POLG: variants seen among roughly 807,000 people sequenced by gnomAD.
POLG encodes DNA polymerase subunit gamma-1.
In POLG, 110 loss-of-function variants were observed where a neutral mutation model predicts 155.4. That is an observed-to-expected ratio of 0.71 (90% CI 0.61 to 0.83). POLG has a LOEUF of 0.83. Ranked by LOEUF, POLG falls within the 40% of genes least tolerant of loss-of-function variation. POLG has a pLI of 0.00. For synonymous variants in POLG, 701 were observed against 631.5 expected (o/e 1.11, Z -1.65); for missense variants, 1,685 against 1,627.5 (o/e 1.04, Z -0.61).
At chr15:89,320,718 C>T in intron 18 of POLG, 48 bp downstream of exon 18, 2 of 1,606,912 alleles carry the variant, frequency 1.2e-6, no homozygotes, top group Non-Finnish European at 1.7e-6. Context: ...GACAGTAAAG[C>T]AGGCCTCGGG....
rs767713132 is a variant in POLG, at chr15:89,325,247, T to TGA, written c.1949+201_1949+202dup. ...GAGAGTGAGTGAGAGAGTGAGTGAG[T>TGA]GAGAGAGAGAGTGAGTGAGTGAGTG... On this transcript the variant is annotated intron_variant, in intron 10 of 22. Coordinates refer to ENST00000268124, the MANE Select transcript of POLG (RefSeq NM_002693.3). Among the ~76,000 whole-genome samples, 10 of 73,584 alleles carry TGA rather than the reference T, an allele frequency of 1.4e-4. 1 individual carries two copies. The East Asian group carries it at 1.7e-3, about 13-fold the overall frequency. 48.3% of individuals were successfully genotyped at this position (73,584 alleles called of 152,430 possible). A position where few individuals can be genotyped will look rare whatever the true frequency, so the allele number is the denominator to read the frequency against.
rs1306153562 is a variant in POLG at position 89,333,875 on chromosome 15, T to C, written c.-121A>G. 8.1e-7 allele frequency: 1 copy of C among 1,235,860 alleles called. No homozygotes were observed. The highest frequency in any genetic ancestry group is 2.1e-5 in the Admixed American group (1 of 48,700). 76.6% of individuals were successfully genotyped at this position (1,235,860 alleles called of 1,614,324 possible). A position where few individuals can be genotyped will look rare whatever the true frequency, so the allele number is the denominator to read the frequency against. On this transcript the variant is annotated 5_prime_UTR_variant, in exon 2 of 23. Transcript: ENST00000268124. ...CGTCCTGTCTCTGCTCTCCTGTCAGTGAAATGGGTTTGACCATGCCTGCCT... is the reference window on the plus strand; with the variant it reads ...CGTCCTGTCTCTGCTCTCCTGTCAGCGAAATGGGTTTGACCATGCCTGCCT...
intron 6 of POLG, 142 bp downstream of exon 6, chr15:89,328,314 C>T (rs905682987): frequency 1.4e-6 from 1 of 721,130 alleles, no homozygotes; most frequent in South Asian, 1.5e-5. Flanking sequence ...ATGGACACCA[C>T]TGAACAGAAG....
chr15:89,319,686 C>G (rs959722479), intron 18 of POLG, among the ~76,000 whole-genome samples: 1 of 152,180 alleles, frequency 6.6e-6, no homozygotes, highest in South Asian at 2.1e-4. Flanking sequence ...ATGACCAACA[C>G]GGGCCTTTTA....
intron 13 of POLG, 148 bp from the exon 14 acceptor site, chr15:89,323,050 C>T (rs538262887): frequency 1.0e-4 from 79 of 754,530 alleles, no homozygotes; most frequent in African/African-American, 1.0e-3. Context: ...CACGCGCGCA[C>T]GCGCGCACGC....
intron 12 of POLG, 76 bp from the exon 13 acceptor site, chr15:89,323,587 G>C: frequency 1.0e-6 from 1 of 990,448 alleles, no homozygotes; most frequent in Non-Finnish European, 1.6e-6. Context: ...TAGGGGGTGG[G>C]AAAAGGGCCT....
chr15:89,316,383 C>A lies in POLG; in HGVS notation c.*368G>T. 6.2e-7 allele frequency: 1 copy of A among 1,606,518 alleles called. No individual in the cohort carries two copies. The highest frequency in any genetic ancestry group is 8.5e-7 in the Non-Finnish European group (1 of 1,175,746). On this transcript the variant is annotated 3_prime_UTR_variant, in exon 23 of 23. Coordinates refer to ENST00000268124, the MANE Select transcript of POLG (RefSeq NM_002693.3). Reference sequence around the variant, plus strand: ...GGTTTATCACGTTAGAGCATTAATTCTTTCCCCTTCTAGGGCACTGCATCA... The same window carrying A: ...GGTTTATCACGTTAGAGCATTAATTATTTCCCCTTCTAGGGCACTGCATCA...
At position 89,328,729 on chromosome 15, in the gene POLG, G is replaced by A. The variant is rs116165908; in HGVS notation, c.1126C>T (p.Leu376=). 932 of 1,614,130 alleles carry A rather than the reference G, an allele frequency of 5.8e-4. 6 individuals are homozygous for A. In the African/African-American group the frequency reaches 0.011, roughly 19 times the overall value. ...GPPLEKEPRE[L]FVKGTMKDIR... The stretch of plus-strand genomic sequence containing the variant: ...TCCTTCATGGTGCCCTTCACAAACA[G>A]TTCTCGAGGCTCCTTCTCTAAGGGA... Residue 376 remains leucine, a synonymous_variant, in exon 5 of 23, where the codon CTG becomes TTG. Transcript: ENST00000268124.
At chr15:89,323,323 G>T (rs1339700772) in intron 13 of POLG, 81 bp downstream of exon 13, 15 of 847,580 alleles carry the variant, frequency 1.8e-5, no homozygotes, top group Middle Eastern at 2.2e-4. Flanking sequence ...GAAAGTCTCA[G>T]GTGTGTCACT....
At chr15:89,323,997 A>C in intron 11 of POLG, 96 bp from the exon 12 acceptor site, 1 of 1,553,628 alleles carries the variant, frequency 6.4e-7, no homozygotes, top group Non-Finnish European at 8.9e-7. Context: ...ACTGCAGGCC[A>C]GTCTGGGGTG....
In POLG at chr15:89,320,917, C is replaced by T. The variant is rs768653086; in HGVS notation, c.2830G>A (p.Glu944Lys). 2.0e-5 allele frequency: 33 copies of T among 1,613,882 alleles called. No individual in the cohort carries two copies. In the East Asian group the frequency reaches 6.7e-4, roughly 33 times the overall value. The change falls in exon 18 of 23, where the codon GAG becomes AAG. Residue 944 changes from glutamate (E) to lysine (K), a missense_variant. By Grantham distance (56) the Glu-to-Lys change is moderately conservative. Transcript: ENST00000268124. Reference sequence around the variant, plus strand: ...CCGTAGTTGAAGATTTTGGCATGCTCACGGCTGATGCCCACAGTAGTGGCT... The same window carrying T: ...CCGTAGTTGAAGATTTTGGCATGCTTACGGCTGATGCCCACAGTAGTGGCT... ...KTATTVGISR[E>K]HAKIFNYGRI...
chr15:89,327,434 A>C, intron 6 of POLG, 85 bp from the exon 7 acceptor site: 14 of 1,247,096 alleles, frequency 1.1e-5, no homozygotes, highest in East Asian at 2.4e-5. Context: ...GCAAGCCTCA[A>C]CCCAGCCACT....
At chr15:89,328,289 G>C (rs1270907450) in intron 6 of POLG, among the ~76,000 whole-genome samples, 167 bp downstream of exon 6, 1 of 152,092 alleles carries the variant, frequency 6.6e-6, no homozygotes, top group Admixed American at 6.5e-5. Flanking sequence ...GTCAAATCCA[G>C]AGTCCAGGGC....
chr15:89,322,874 G>A lies in POLG; in HGVS notation c.2294C>T (p.Pro765Leu). ...KDGNSCNVGS[P>L]FAKDFLPKME... ...CTTGGGCAGGAAGTCCTTGGCAAAG[G>A]GGCTTCCCACATTACAGCTATTACC... is the stretch of plus-strand genomic sequence containing the variant. The change falls in exon 14 of 23, where the codon CCC (proline) becomes CTC (leucine). Residue 765 changes from proline (P) to leucine (L), a missense_variant. Physicochemically the swap from Pro to Leu is moderately conservative, Grantham distance 98. Around this residue, in one of 3 missense-constraint regions of POLG, gnomAD observed 1,210 missense variants for 1,167.1 expected, o/e 1.04. Coordinates refer to ENST00000268124, the MANE Select transcript of POLG (RefSeq NM_002693.3). 6.2e-7 allele frequency: 1 copy of A among 1,613,432 alleles called. No individual in the cohort carries two copies. Among genetic ancestry groups the A allele is most frequent in the South Asian group, 1.1e-5 (1 of 91,046 alleles).
Position 89,318,562 on chromosome 15 carries a change from T to C in POLG, c.3461A>G (p.Gln1154Arg), listed in dbSNP as rs1567185010. 6.2e-7 allele frequency: 1 copy of C among 1,613,632 alleles called. No individual in the cohort carries two copies. The change falls in exon 21 of 23, where the codon CAG (glutamine) becomes CGG (arginine). Residue 1154 changes from glutamine to arginine, a missense_variant. Gln to Arg is a conservative substitution (Grantham distance 43). Coordinates refer to ENST00000268124, the MANE Select transcript of POLG (RefSeq NM_002693.3). ...ATACCTGGTCAAGAGGTTGGTGATC[T>C]GCAAGGCCAGGGCAGCGCGGTAGCG... ...EDRYRAALALQITNLLTRCMF... is the reference protein window; with the variant it reads ...EDRYRAALALRITNLLTRCMF...
At chr15:89,325,061 T>TGAGTGAGTGAGTGAGTGAGTGAGTGAGA (rs2055458902) in intron 10 of POLG, among the ~76,000 whole-genome samples, 1 of 70,126 alleles carries the variant, frequency 1.4e-5, no homozygotes, top group East Asian at 3.3e-4. Flanking sequence ...AGTGAGAGAG[T>TGAGTGAGTGAGTGAGTGAGTGAGTGAGA]GAGTGAGTGA....
chr15:89,333,483 C>T lies in POLG; in HGVS notation c.272G>A (p.Gly91Glu). Residue 91 changes from glycine (G) to glutamate (E), a missense_variant, in exon 2 of 23, where the codon GGA (glycine) becomes GAA (glutamate). Transcript: ENST00000268124. ...CGCGGCCTCGCCAGGCATCTCCCCT[C>T]CTTGCCCGAAGATTTGCTCGTGCAG... ...RGLHEQIFGQ[G>E]GEMPGEAAVR... is the part of the protein sequence containing the mutation. The T allele has an allele frequency of 6.2e-7, 1 of 1,612,552 alleles. No individual in the cohort carries two copies. Among genetic ancestry groups the T allele is most frequent in the Non-Finnish European group, 8.5e-7 (1 of 1,179,690 alleles).
Position 89,333,253 on chromosome 15 carries a change from C to A in POLG, c.502G>T (p.Ala168Ser), listed in dbSNP as rs2055619068. 6.4e-7 allele frequency: 1 copy of A among 1,569,988 alleles called. No individual in the cohort carries two copies. Residue 168 changes from alanine to serine, a missense_variant, in exon 2 of 23, where the codon GCT becomes TCT. Physicochemically the swap from Ala to Ser is moderately conservative, Grantham distance 99. Coordinates refer to ENST00000268124, the MANE Select transcript of POLG (RefSeq NM_002693.3). ...LQAQLPPKPP[A>S]WAWAEGWTRY... ...GTCCAGCCCTCCGCCCAGGCCCAAG[C>A]CGGGGGCTTCGGGGGCAGCTGGGCC...
At chr15:89,332,791 G>A (rs1035128898) in intron 2 of POLG, among the ~76,000 whole-genome samples, 1 of 152,082 alleles carries the variant, frequency 6.6e-6, no homozygotes, top group Non-Finnish European at 1.5e-5. Flanking sequence ...ATTAGGAGAG[G>A]GGGTAAAGGC....
Sources: allele counts gnomAD v4.1 joint callset (sites outside exome capture counted in the v4.1 genomes callset), GRCh38; gene constraint gnomAD v4.1.1; regional missense constraint gnomAD v4.1.1; transcripts MANE v1.5; gene names NCBI Gene and HGNC (gene_info 2026-07-23, HGNC 2026-07-21).